MAP2: variants seen among roughly 807,000 people sequenced by gnomAD.
MAP2 encodes the protein microtubule associated protein 2.
Under a neutral mutation model 137.6 loss-of-function variants are expected in MAP2, and 14 were observed. The observed-to-expected ratio is 0.10, with a 90% CI of 0.07 to 0.16. The LOEUF (loss-of-function observed/expected upper bound fraction) is 0.16, where lower values mean the gene tolerates loss of function less well. Among genes scored for constraint, MAP2 ranks in the 10% least tolerant of loss-of-function variants. MAP2 has a pLI of 1.00. For missense variants in MAP2, 2,088 were observed against 2,191.5 expected, an observed-to-expected ratio of 0.95 and a Z score of 0.94; for synonymous variants, 786 against 782.3, an observed-to-expected ratio of 1.00 and a Z score of -0.08.
At chr2:209,489,406 C>T (rs1278406101) in intron 1 of MAP2, among the ~76,000 whole-genome samples, 8 of 152,120 alleles carry the variant, frequency 5.3e-5, no homozygotes, top group Non-Finnish European at 8.8e-5. Flanking sequence ...CATAACTCCT[C>T]GCCAGCAAGG....
rs1446489259 is a variant in MAP2, at chr2:209,537,889, G to A, written c.-172+30248G>A. Among the ~76,000 whole-genome samples the A allele has an allele frequency of 3.9e-5, 6 of 152,094 alleles. No homozygotes were observed. In the East Asian group the frequency reaches 9.6e-4, roughly 24 times the overall value. ...CTCATAAGAAGCATTAATAAGCACA[G>A]AAATAATAATAATATCAACAATATT... is the stretch of plus-strand genomic sequence containing the variant. On this transcript the variant is annotated intron_variant, in intron 2 of 15. Coordinates refer to ENST00000682079, the MANE Select transcript of MAP2 (RefSeq NM_001375505.1).
At chr2:209,494,835 T>C (rs1386543610) in intron 1 of MAP2, among the ~76,000 whole-genome samples, 1 of 152,254 alleles carries the variant, frequency 6.6e-6, no homozygotes, top group African/African-American at 2.4e-5. Context: ...AAATTTATCA[T>C]TGGTTTTCAG....
At chr2:209,479,506 T>A (rs899705224) in intron 1 of MAP2, among the ~76,000 whole-genome samples, 4 of 152,166 alleles carry the variant, frequency 2.6e-5, no homozygotes, top group Non-Finnish European at 5.9e-5. Context: ...AAGAATGAGC[T>A]GGAAATCGGA....
intron 2 of MAP2, among the ~76,000 whole-genome samples, chr2:209,572,995 A>G (rs1226114285): frequency 3.3e-5 from 5 of 152,186 alleles, no homozygotes; most frequent in Non-Finnish European, 4.4e-5. Flanking sequence ...TGTAAAAGAA[A>G]TTTTTAAAAA....
At chr2:209,535,917 C>T (rs2065884667) in intron 2 of MAP2, among the ~76,000 whole-genome samples, 1 of 152,082 alleles carries the variant, frequency 6.6e-6, no homozygotes, top group Non-Finnish European at 1.5e-5. Context: ...TAGGTCTTTG[C>T]TCCATTCATT....
intron 14 of MAP2, among the ~76,000 whole-genome samples, chr2:209,728,896 T>C (rs968862969): frequency 1.3e-5 from 2 of 152,208 alleles, no homozygotes; most frequent in Admixed American, 6.5e-5. Flanking sequence ...CAAGTTGCTG[T>C]TAAAGTGAAA....
chr2:209,495,723 T>C (rs1402317679), intron 1 of MAP2, among the ~76,000 whole-genome samples: 1 of 152,236 alleles, frequency 6.6e-6, no homozygotes, highest in East Asian at 1.9e-4. Flanking sequence ...AAATCAATAA[T>C]GCATCTGACA....
At chr2:209,525,304 C>A (rs1277444810) in intron 2 of MAP2, among the ~76,000 whole-genome samples, 1 of 151,966 alleles carries the variant, frequency 6.6e-6, no homozygotes, top group Admixed American at 6.6e-5. Context: ...TTTTTCATAT[C>A]TATATTTAGA....
chr2:209,634,413 T>A (rs2093375091), intron 4 of MAP2, among the ~76,000 whole-genome samples: 1 of 152,158 alleles, frequency 6.6e-6, no homozygotes, highest in Non-Finnish European at 1.5e-5. Context: ...TTTGTCCTCT[T>A]CGTAGTCAGC....
At chr2:209,473,555 A>G (rs17237076) in intron 1 of MAP2, among the ~76,000 whole-genome samples, 3,540 of 152,156 alleles carry the variant, frequency 0.023, 46 homozygotes, top group Non-Finnish European at 0.033. Flanking sequence ...ATTATGATTT[A>G]TCACCCCCAA....
chr2:209,593,862 ATATT>A (rs1405415103), intron 3 of MAP2, among the ~76,000 whole-genome samples: 5 of 113,406 alleles, frequency 4.4e-5, no homozygotes, highest in Non-Finnish European at 6.8e-5. Flanking sequence ...TATAAAATAT[ATATT>A]TATATTATAA....
At chr2:209,582,010 A>G (rs1239162346) in intron 3 of MAP2, among the ~76,000 whole-genome samples, 1 of 152,074 alleles carries the variant, frequency 6.6e-6, no homozygotes, top group African/African-American at 2.4e-5. Flanking sequence ...GACCTATATC[A>G]TGGTTTTTCT....
intron 13 of MAP2, chr2:209,721,879 G>A (rs1477771883): frequency 6.6e-6 from 1 of 152,118 alleles, no homozygotes; most frequent in Non-Finnish European, 1.5e-5. Context: ...GATACTTATT[G>A]AGAATCCTTT....
In MAP2 at chr2:209,694,879, A is replaced by G. The variant is rs2059802118; in HGVS notation, c.2709A>G (p.Lys903=). The stretch of plus-strand genomic sequence containing the variant: ...CCTTTTACGAAGGCACTGATGATAA[A>G]GTTCGAAGAGATTTGGCCACAGACC... ...SGTFYEGTDD[K]VRRDLATDLS... The change falls in exon 8 of 16, where the codon AAA becomes AAG. Residue 903 remains lysine, a synonymous_variant. Transcript: ENST00000682079. 1 of 1,614,210 alleles carries G rather than the reference A, an allele frequency of 6.2e-7. No individual in the cohort carries two copies. Among genetic ancestry groups the G allele is most frequent in the South Asian group, 1.1e-5 (1 of 91,088 alleles).
chr2:209,498,447 C>T (rs1338489853), intron 1 of MAP2, among the ~76,000 whole-genome samples: 3 of 152,200 alleles, frequency 2.0e-5, no homozygotes, highest in African/African-American at 7.2e-5. Flanking sequence ...TGGTGACCCC[C>T]TTCTCACAAC....
chr2:209,662,255 G>A (rs984646491), intron 5 of MAP2, among the ~76,000 whole-genome samples: 5 of 152,306 alleles, frequency 3.3e-5, no homozygotes, highest in Middle Eastern at 3.4e-3. Context: ...TTCTATGTGT[G>A]TTCCTCAAGA....
intron 1 of MAP2, among the ~76,000 whole-genome samples, chr2:209,429,866 T>C (rs763250428): frequency 6.6e-6 from 1 of 152,110 alleles, no homozygotes; most frequent in African/African-American, 2.4e-5. Flanking sequence ...TGAATTGGCA[T>C]GAGAAAGTGT....
chr2:209,498,353 C>A (rs1425072529), intron 1 of MAP2, among the ~76,000 whole-genome samples: 1 of 152,232 alleles, frequency 6.6e-6, no homozygotes, highest in African/African-American at 2.4e-5. Flanking sequence ...CCTCCCCATA[C>A]CCCTCAGATG....
In MAP2 at chr2:209,476,949, C is replaced by T. The variant is rs191267572; in HGVS notation, c.-221-30643C>T. On this transcript the variant is annotated intron_variant, in intron 1 of 15. Coordinates refer to ENST00000682079, the MANE Select transcript of MAP2 (RefSeq NM_001375505.1). ...TTGAATTCAGTTAAGCATTCAAAACCTTCATCACAAAGATTGGCTGAGCTA... is the reference window on the plus strand; with the variant it reads ...TTGAATTCAGTTAAGCATTCAAAACTTTCATCACAAAGATTGGCTGAGCTA... Among the ~76,000 whole-genome samples the T allele has an allele frequency of 2.5e-3, 387 of 152,258 alleles. 3 individuals carry two copies. Among genetic ancestry groups the T allele is most frequent in the Non-Finnish European group, 4.9e-3 (335 of 68,018 alleles).
Sources: gnomAD v4.1 joint callset for allele counts (sites outside exome capture counted in the v4.1 genomes callset) on GRCh38, gnomAD v4.1.1 for gene constraint, MANE v1.5 for transcripts, NCBI Gene and HGNC (gene_info 2026-07-23, HGNC 2026-07-21) for gene names.